The following ZNF804B variants were observed in gnomAD, a reference collection of about 807,000 sequenced individuals.
ZNF804B encodes the protein zinc finger protein 804B.
In ZNF804B, 80 loss-of-function variants were observed where a neutral mutation model predicts 101.4. The observed-to-expected ratio is 0.79, with a 90% CI of 0.66 to 0.95. ZNF804B has a LOEUF of 0.95. Among genes scored for constraint, ZNF804B ranks in the 40% least tolerant of loss-of-function variants. The pLI is 0.00. For synonymous variants in ZNF804B, 622 were observed against 558.8 expected (o/e 1.11, Z -1.59); for missense variants, 1,673 against 1,561.9 (o/e 1.07, Z -1.20).
At chr7:89,018,482 T>TC (rs1788607255) in intron 1 of ZNF804B, among the ~76,000 whole-genome samples, 2 of 151,634 alleles carry the variant, frequency 1.3e-5, no homozygotes, top group Non-Finnish European at 2.9e-5. Flanking sequence ...TGGAGTTTTT[T>TC]TGTAGTTATT....
intron 1 of ZNF804B, among the ~76,000 whole-genome samples, chr7:88,988,231 G>T (rs1333340555): frequency 6.6e-6 from 1 of 151,618 alleles, no homozygotes; most frequent in African/African-American, 2.4e-5. Flanking sequence ...ACGAAAAGGA[G>T]CTGTCTATAT....
chr7:88,964,054 A>G (rs561267628), intron 1 of ZNF804B, among the ~76,000 whole-genome samples: 2 of 151,494 alleles, frequency 1.3e-5, no homozygotes, highest in East Asian at 3.9e-4. Flanking sequence ...GGATGTGGAG[A>G]AATTGAAACA....
At chr7:89,089,006 T>C (rs954281936) in intron 1 of ZNF804B, among the ~76,000 whole-genome samples, 3 of 151,864 alleles carry the variant, frequency 2.0e-5, no homozygotes, top group Admixed American at 6.6e-5. Context: ...TTTCTCTCCA[T>C]GTGCTCCTGG....
intron 1 of ZNF804B, among the ~76,000 whole-genome samples, chr7:89,066,831 C>T (rs760473101): frequency 1.5e-4 from 23 of 151,896 alleles, no homozygotes; most frequent in Admixed American, 5.3e-4. Context: ...GACATGATCT[C>T]AGCTCACCGC....
At chr7:89,281,180 A>G (rs550753867) in intron 2 of ZNF804B, among the ~76,000 whole-genome samples, 1 of 152,296 alleles carries the variant, frequency 6.6e-6, no homozygotes, top group South Asian at 2.1e-4. Flanking sequence ...ATTGCTATAG[A>G]TGATAAGTTG....
chr7:89,312,184 C>T lies in ZNF804B; in HGVS notation c.250-15160C>T, dbSNP rs373361596. Among the ~76,000 whole-genome samples the T allele has an allele frequency of 2.1e-4, 32 of 152,256 alleles. 1 individual carries two copies. The South Asian group carries it at 6.2e-3, about 30-fold the overall frequency. On this transcript the variant is annotated intron_variant, in intron 2 of 3. Transcript: ENST00000333190. The stretch of plus-strand genomic sequence containing the variant: ...GTTATAAAGAATTTTTTCTTTCACG[C>T]ACCACATTTTCAGCTTCTCCTAAAA...
intron 1 of ZNF804B, among the ~76,000 whole-genome samples, chr7:88,983,793 G>T (rs557340907): frequency 6.6e-6 from 1 of 151,886 alleles, no homozygotes; most frequent in African/African-American, 2.4e-5. Context: ...CTGTTGATTG[G>T]CACCGTTCAT....
At chr7:89,332,259 T>G (rs1340114496) in intron 3 of ZNF804B, among the ~76,000 whole-genome samples, 1 of 151,710 alleles carries the variant, frequency 6.6e-6, no homozygotes, top group Non-Finnish European at 1.5e-5. Flanking sequence ...TGCCAAAGAA[T>G]GGTAAAAGAA....
chr7:88,847,371 A>G (rs1303525479), intron 1 of ZNF804B, among the ~76,000 whole-genome samples: 1 of 152,090 alleles, frequency 6.6e-6, no homozygotes, highest in East Asian at 1.9e-4. Context: ...TTCCTTGAAT[A>G]AGAGGATCCG....
chr7:88,881,899 A>G (rs901393066), intron 1 of ZNF804B, among the ~76,000 whole-genome samples: 1 of 152,206 alleles, frequency 6.6e-6, no homozygotes, highest in African/African-American at 2.4e-5. Context: ...GTTATGTCTT[A>G]TCTTAGAAAT....
chr7:89,025,888 A>G (rs1468987467), intron 1 of ZNF804B, among the ~76,000 whole-genome samples: 1 of 152,136 alleles, frequency 6.6e-6, no homozygotes, highest in Non-Finnish European at 1.5e-5. Context: ...AGCTAATTAT[A>G]TTATTCACTG....
intron 1 of ZNF804B, among the ~76,000 whole-genome samples, chr7:88,935,411 T>C (rs970094069): frequency 8.7e-5 from 13 of 149,742 alleles, no homozygotes; most frequent in Middle Eastern, 3.5e-3. Context: ...TGGCCAGCCA[T>C]AGTGGCTCAC....
chr7:88,854,476 T>TTTCTTTCTTTCTTTCC (rs1554340148), intron 1 of ZNF804B, among the ~76,000 whole-genome samples: 3 of 48,762 alleles, frequency 6.2e-5, no homozygotes, highest in South Asian at 6.9e-4. Flanking sequence ...TCTTTCTTTC[T>TTTCTTTCTTTCTTTCC]CTTTCCTTTC....
chr7:89,145,359 A>T (rs10486900), intron 1 of ZNF804B, among the ~76,000 whole-genome samples: 28,188 of 151,984 alleles, frequency 0.19, 3,179 homozygotes, highest in Admixed American at 0.26. Flanking sequence ...AGACAATAAT[A>T]TAAACAGTAA....
intron 1 of ZNF804B, among the ~76,000 whole-genome samples, chr7:89,193,006 T>G (rs1175674671): frequency 6.6e-6 from 1 of 152,040 alleles, no homozygotes; most frequent in Non-Finnish European, 1.5e-5. Flanking sequence ...CTTAAAATAA[T>G]AAGAGCCATA....
intron 1 of ZNF804B, among the ~76,000 whole-genome samples, chr7:89,135,045 C>T (rs1057038256): frequency 1.3e-5 from 2 of 152,026 alleles, no homozygotes; most frequent in Admixed American, 6.6e-5. Context: ...TACATAGGCA[C>T]TAGTTTTCAG....
In ZNF804B at chr7:88,813,106, T is replaced by TAAA. The variant is rs561207638; in HGVS notation, c.108+53026_108+53028dup. On this transcript the variant is annotated intron_variant, in intron 1 of 3. Coordinates refer to ENST00000333190, the MANE Select transcript of ZNF804B (RefSeq NM_181646.5). ...GTCAATTATATTTTAATTTTAAAATTAAAAAATAGTTTCCCATAAATCTTA... is the reference window on the plus strand; with the variant it reads ...GTCAATTATATTTTAATTTTAAAATTAAAAAAAAATAGTTTCCCATAAATCTTA... Among the ~76,000 whole-genome samples the TAAA allele has an allele frequency of 3.2e-4, 49 of 152,198 alleles. No homozygotes were observed. In the East Asian group the frequency reaches 4.4e-3, roughly 14 times the overall value.
At chr7:89,256,032 G>T (rs968491692) in intron 2 of ZNF804B, among the ~76,000 whole-genome samples, 2 of 152,012 alleles carry the variant, frequency 1.3e-5, no homozygotes, top group African/African-American at 4.8e-5. Context: ...AAGCACATTA[G>T]TATTTGTTCA....
intron 1 of ZNF804B, among the ~76,000 whole-genome samples, chr7:88,967,411 A>G (rs1562846203): frequency 6.6e-6 from 1 of 151,550 alleles, no homozygotes; most frequent in Non-Finnish European, 1.5e-5. Flanking sequence ...TGATCCAATC[A>G]TGTCCTACCA....
Sources: gnomAD v4.1 joint callset for allele counts (sites outside exome capture counted in the v4.1 genomes callset) on GRCh38, gnomAD v4.1.1 for gene constraint, MANE v1.5 for transcripts, NCBI Gene and HGNC (gene_info 2026-07-23, HGNC 2026-07-21) for gene names.